RAD51B: variants seen among roughly 807,000 people sequenced by gnomAD.
RAD51B encodes the protein DNA repair protein RAD51 homolog 2.
Under a neutral mutation model 42.2 loss-of-function variants are expected in RAD51B, and 38 were observed. The observed-to-expected ratio is 0.90, with a 90% CI of 0.70 to 1.18. The LOEUF is 1.18. Among genes scored for constraint, RAD51B ranks in the 50% most tolerant of loss-of-function variants. The probability of loss-of-function intolerance (pLI) is 0.00; values close to 1 mark genes in which losing one functional copy is unlikely to be tolerated. For missense variants in RAD51B, 373 were observed against 400.7 expected (o/e 0.93, Z 0.59); for synonymous variants, 154 against 145.2 (o/e 1.06, Z -0.43).
chr14:67,891,022 G>C (rs1026471415), intron 7 of RAD51B, among the ~76,000 whole-genome samples: 1 of 152,074 alleles, frequency 6.6e-6, no homozygotes, highest in Admixed American at 6.6e-5. Context: ...CTTTGGAAAT[G>C]CTTTTTACTG....
intron 11 of RAD51B, among the ~76,000 whole-genome samples, chr14:68,651,459 C>A (rs1026037290): frequency 6.6e-6 from 1 of 152,138 alleles, no homozygotes; most frequent in Non-Finnish European, 1.5e-5. Flanking sequence ...GCCAGCATGC[C>A]CGGCCACATG....
chr14:68,300,816 G>A (rs1358995215), intron 8 of RAD51B, among the ~76,000 whole-genome samples: 1 of 152,188 alleles, frequency 6.6e-6, no homozygotes, highest in Non-Finnish European at 1.5e-5. Flanking sequence ...TATAACAGAG[G>A]CACATTAGCT....
chr14:68,348,906 C>A (rs1276142918), intron 8 of RAD51B, among the ~76,000 whole-genome samples: 1 of 152,284 alleles, frequency 6.6e-6, no homozygotes, highest in Non-Finnish European at 1.5e-5. Context: ...TAGTTTAGAT[C>A]TGGGATAAAC....
intron 7 of RAD51B, among the ~76,000 whole-genome samples, chr14:68,172,535 A>G (rs2078893354): frequency 6.6e-6 from 1 of 152,228 alleles, no homozygotes; most frequent in Admixed American, 6.5e-5. Flanking sequence ...ATAAAATTCC[A>G]TAAGCTTGTG....
intron 7 of RAD51B, among the ~76,000 whole-genome samples, chr14:68,130,961 A>G (rs1284222128): frequency 2.0e-5 from 3 of 152,040 alleles, no homozygotes; most frequent in African/African-American, 7.2e-5. Flanking sequence ...GTCAGGCTCT[A>G]TTTGTTTGAG....
At chr14:68,530,521 A>G (rs1476829689) in intron 10 of RAD51B, among the ~76,000 whole-genome samples, 3 of 151,080 alleles carry the variant, frequency 2.0e-5, no homozygotes, top group South Asian at 2.1e-4. Flanking sequence ...AGAGTTATTT[A>G]TAAAGGAATG....
chr14:68,660,524 T>G (rs1447912705), intron 11 of RAD51B, among the ~76,000 whole-genome samples: 2 of 152,146 alleles, frequency 1.3e-5, no homozygotes, highest in Non-Finnish European at 2.9e-5. Context: ...CCCTTGAGGA[T>G]TTACACTGTA....
intron 10 of RAD51B, among the ~76,000 whole-genome samples, chr14:68,602,608 A>T (rs1399752026): frequency 6.6e-6 from 1 of 152,224 alleles, no homozygotes; most frequent in Non-Finnish European, 1.5e-5. Context: ...AAATTGGTTT[A>T]TGCAATTGTG....
At chr14:68,047,638 A>T (rs538671773) in intron 7 of RAD51B, among the ~76,000 whole-genome samples, 82 of 152,112 alleles carry the variant, frequency 5.4e-4, no homozygotes, top group Non-Finnish European at 1.0e-3. Context: ...TCTCATTTTG[A>T]GTAATTATAA....
At chr14:68,314,676 C>T (rs1411896275) in intron 8 of RAD51B, among the ~76,000 whole-genome samples, 1 of 152,114 alleles carries the variant, frequency 6.6e-6, no homozygotes, top group Admixed American at 6.5e-5. Flanking sequence ...AGAGTTGAGG[C>T]AGCACAGAGA....
At chr14:67,956,611 G>C (rs147528753) in intron 7 of RAD51B, among the ~76,000 whole-genome samples, 4 of 152,114 alleles carry the variant, frequency 2.6e-5, no homozygotes, top group African/African-American at 9.7e-5. Flanking sequence ...GACATTTCAC[G>C]TAGGAAATTT....
At chr14:67,967,164 A>G (rs890369586) in intron 7 of RAD51B, among the ~76,000 whole-genome samples, 1 of 152,172 alleles carries the variant, frequency 6.6e-6, no homozygotes, top group African/African-American at 2.4e-5. Context: ...AGACTTATTC[A>G]CTACCACGAA....
At chr14:68,187,942 G>C (rs2079189591) in intron 7 of RAD51B, among the ~76,000 whole-genome samples, 1 of 152,072 alleles carries the variant, frequency 6.6e-6, no homozygotes, top group African/African-American at 2.4e-5. Flanking sequence ...AGCCTCCTGA[G>C]TAGTTGGTAT....
chr14:68,181,773 G>T lies in RAD51B; in HGVS notation c.757-110111G>T, dbSNP rs79866602. 1.4e-3 allele frequency among the ~76,000 whole-genome samples: 208 copies of T among 152,278 alleles called. 5 individuals carry two copies. The East Asian group carries it at 0.039, about 28-fold the overall frequency. On this transcript the variant is annotated intron_variant, in intron 7 of 10. Transcript: ENST00000471583. ...GGAGAGGGTGCCTCCAAAGGTGGGG[G>T]TTTGGAGGAGCACAATTTAAAATTC... is the stretch of plus-strand genomic sequence containing the variant.
chr14:68,447,357 T>G (rs1330601198), intron 9 of RAD51B, among the ~76,000 whole-genome samples: 1 of 152,266 alleles, frequency 6.6e-6, no homozygotes. Context: ...AATTTCTGAT[T>G]ACTTAGGTCT....
At chr14:68,443,394 T>C (rs1439318275) in intron 9 of RAD51B, among the ~76,000 whole-genome samples, 2 of 152,218 alleles carry the variant, frequency 1.3e-5, no homozygotes, top group African/African-American at 4.8e-5. Context: ...AATGTGCGCA[T>C]GTGCCTCTGA....
At chr14:68,494,202 C>A (rs1884312287) in intron 10 of RAD51B, among the ~76,000 whole-genome samples, 1 of 151,084 alleles carries the variant, frequency 6.6e-6, no homozygotes, top group African/African-American at 2.4e-5. Flanking sequence ...ATCCCTTGAA[C>A]CTGGGAGGCA....
chr14:68,675,848 C>A (rs760701267), intron 11 of RAD51B, among the ~76,000 whole-genome samples: 2 of 152,200 alleles, frequency 1.3e-5, no homozygotes, highest in Non-Finnish European at 2.9e-5. Context: ...GCCACATCCT[C>A]TTCTCAATCC....
At chr14:68,588,255 G>A (rs557146311) in intron 10 of RAD51B, among the ~76,000 whole-genome samples, 1 of 152,318 alleles carries the variant, frequency 6.6e-6, no homozygotes, top group Admixed American at 6.5e-5. Flanking sequence ...AAGGGCTGAT[G>A]TGAGGCTCGA....
Sources: gnomAD v4.1 joint callset for allele counts (sites outside exome capture counted in the v4.1 genomes callset) on GRCh38, gnomAD v4.1.1 for gene constraint, MANE v1.5 for transcripts, NCBI Gene and HGNC (gene_info 2026-07-23, HGNC 2026-07-21) for gene names.